PLPP1: variants seen among roughly 807,000 people sequenced by gnomAD.
The protein encoded by PLPP1 is phospholipid phosphatase 1, also known as lipid phosphate phosphohydrolase 1a.
A neutral mutation model predicts 31.2 loss-of-function variants in PLPP1; 24 were observed. The observed-to-expected ratio is 0.77, with a 90% CI of 0.56 to 1.08. The LOEUF (loss-of-function observed/expected upper bound fraction) is 1.08, where lower values mean the gene tolerates loss of function less well. PLPP1 is among the 50% of genes least tolerant of loss of function. The pLI is 0.00. For synonymous variants in PLPP1, 146 were observed against 126.3 expected, an observed-to-expected ratio of 1.16 and a Z score of -1.05; for missense variants, 319 against 342.7, an observed-to-expected ratio of 0.93 and a Z score of 0.55.
intron 1 of PLPP1, among the ~76,000 whole-genome samples, chr5:55,475,980 CTTT>C (rs34891567): frequency 7.2e-6 from 1 of 139,058 alleles, no homozygotes; most frequent in Non-Finnish European, 1.5e-5. Context: ...CTTAAAGTTT[CTTT>C]TTTTTTTTTT....
At chr5:55,493,896 A>G (rs1282496249) in intron 1 of PLPP1, among the ~76,000 whole-genome samples, 1 of 151,706 alleles carries the variant, frequency 6.6e-6, no homozygotes, top group Non-Finnish European at 1.5e-5. Flanking sequence ...AAAAAAAAAA[A>G]ATAGCTGGTC....
intron 1 of PLPP1, among the ~76,000 whole-genome samples, chr5:55,496,115 C>G (rs13157391): frequency 0.061 from 9,283 of 152,174 alleles, 516 homozygotes; most frequent in African/African-American, 0.13. Flanking sequence ...GCCTCGGCCT[C>G]CCAAAGTGCT....
chr5:55,531,578 G>C (rs1740671282), intron 1 of PLPP1, among the ~76,000 whole-genome samples: 1 of 152,142 alleles, frequency 6.6e-6, no homozygotes, highest in Non-Finnish European at 1.5e-5. Flanking sequence ...TCATCTTTTT[G>C]TTCTAACAGT....
intron 3 of PLPP1, among the ~76,000 whole-genome samples, chr5:55,445,726 G>A (rs1382913758): frequency 5.3e-5 from 8 of 151,756 alleles, no homozygotes; most frequent in African/African-American, 1.9e-4. Flanking sequence ...TGTATTTTTA[G>A]TAGAGACAGG....
chr5:55,515,093 C>G (rs1057028847), intron 1 of PLPP1, among the ~76,000 whole-genome samples: 11 of 152,180 alleles, frequency 7.2e-5, no homozygotes, highest in Non-Finnish European at 1.5e-4. Context: ...ACTGTGCGAC[C>G]TAACACAAGA....
At chr5:55,489,942 A>G (rs1752852052) in intron 1 of PLPP1, among the ~76,000 whole-genome samples, 1 of 152,156 alleles carries the variant, frequency 6.6e-6, no homozygotes, top group Admixed American at 6.5e-5. Flanking sequence ...AGTCACATAA[A>G]ATGACAATGG....
chr5:55,496,212 G>T (rs1753001193), intron 1 of PLPP1, among the ~76,000 whole-genome samples: 1 of 134,562 alleles, frequency 7.4e-6, no homozygotes, highest in African/African-American at 3.2e-5. Context: ...CTGTGTTAAA[G>T]TTAGTGTTCT....
intron 4 of PLPP1, among the ~76,000 whole-genome samples, chr5:55,430,715 A>C (rs973964356): frequency 6.6e-6 from 1 of 152,248 alleles, no homozygotes; most frequent in Non-Finnish European, 1.5e-5. Context: ...GGAACACAGT[A>C]ATTTTGTAGC....
chr5:55,470,566 G>A (rs1260216371), intron 2 of PLPP1, among the ~76,000 whole-genome samples: 1 of 152,144 alleles, frequency 6.6e-6, no homozygotes, highest in African/African-American at 2.4e-5. Flanking sequence ...GGAATGCAGG[G>A]GAGTCTCTAA....
intron 1 of PLPP1, among the ~76,000 whole-genome samples, chr5:55,483,677 A>T (rs1305379669): frequency 6.6e-6 from 1 of 151,328 alleles, no homozygotes; most frequent in African/African-American, 2.4e-5. Flanking sequence ...CTCAAAAAAA[A>T]AAAAAAAAAA....
At chr5:55,443,212 T>TATATATATATAC (rs1169152710) in intron 3 of PLPP1, among the ~76,000 whole-genome samples, 102 of 104,964 alleles carry the variant, frequency 9.7e-4, no homozygotes, top group Non-Finnish European at 1.1e-3. Flanking sequence ...TATATATATA[T>TATATATATATAC]ACACACACAC....
At chr5:55,513,320 G>T (rs1753482162) in intron 1 of PLPP1, among the ~76,000 whole-genome samples, 1 of 149,616 alleles carries the variant, frequency 6.7e-6, no homozygotes, top group African/African-American at 2.5e-5. Flanking sequence ...AGGTACAGTG[G>T]CATGATCTCA....
intron 3 of PLPP1, among the ~76,000 whole-genome samples, chr5:55,443,192 A>AAAAATATATAT: frequency 1.9e-3 from 49 of 25,420 alleles, no homozygotes; most frequent in Non-Finnish European, 2.9e-3. Context: ...AAAAAAAAAA[A>AAAAATATATAT]ATATATATAT....
chr5:55,468,638 C>T (rs1752356024), intron 2 of PLPP1, among the ~76,000 whole-genome samples: 2 of 151,964 alleles, frequency 1.3e-5, no homozygotes, highest in Admixed American at 6.6e-5. Flanking sequence ...CCTGTCTCTA[C>T]TAAAAATACA....
chr5:55,425,461 T>C, intron 5 of PLPP1, 127 bp from the exon 6 acceptor site: 5 of 856,854 alleles, frequency 5.8e-6, no homozygotes, highest in Non-Finnish European at 8.3e-6. Flanking sequence ...AGATTAAGCA[T>C]ATAAAAAATT....
At chr5:55,529,574 A>G (rs1396667658) in intron 1 of PLPP1, among the ~76,000 whole-genome samples, 7 of 152,166 alleles carry the variant, frequency 4.6e-5, no homozygotes, top group Admixed American at 2.6e-4. Flanking sequence ...CTTTACAACA[A>G]GCTTTCACTT....
intron 3 of PLPP1, among the ~76,000 whole-genome samples, chr5:55,460,514 A>G (rs1380618155): frequency 1.3e-5 from 2 of 152,212 alleles, no homozygotes; most frequent in East Asian, 3.8e-4. Context: ...CCTACAAACA[A>G]TACAAAGATA....
intron 2 of PLPP1, among the ~76,000 whole-genome samples, chr5:55,470,484 T>C (rs2111795391): frequency 6.6e-6 from 1 of 152,316 alleles, no homozygotes; most frequent in East Asian, 1.9e-4. Flanking sequence ...CTAGGAATAT[T>C]CAGAATACTG....
intron 3 of PLPP1, among the ~76,000 whole-genome samples, chr5:55,450,537 A>T (rs910989998): frequency 6.6e-6 from 1 of 152,216 alleles, no homozygotes; most frequent in African/African-American, 2.4e-5. Flanking sequence ...CCAAACTCTC[A>T]GCAGGGAAAC....
Sources: gnomAD v4.1 joint callset for allele counts (sites outside exome capture counted in the v4.1 genomes callset) on GRCh38, gnomAD v4.1.1 for gene constraint, MANE v1.5 for transcripts, NCBI Gene and HGNC (gene_info 2026-07-23, HGNC 2026-07-21) for gene names.